NCOA7: variants seen among roughly 807,000 people sequenced by gnomAD.
The protein encoded by NCOA7 is nuclear receptor coactivator 7.
Under a neutral mutation model 104.3 loss-of-function variants are expected in NCOA7, and 45 were observed. The observed-to-expected ratio is 0.43, with a 90% CI of 0.34 to 0.55. The LOEUF is 0.55. Among genes scored for constraint, NCOA7 ranks in the 20% least tolerant of loss-of-function variants. The pLI is 0.02. For synonymous variants in NCOA7, 398 were observed against 402.3 expected (o/e 0.99, Z 0.13); for missense variants, 1,041 against 1,119.7 (o/e 0.93, Z 1.00).
At chr6:125,800,128 A>G (rs967186397) in intron 1 of NCOA7, among the ~76,000 whole-genome samples, 2 of 152,260 alleles carry the variant, frequency 1.3e-5, no homozygotes, top group African/African-American at 4.8e-5. Context: ...CAAAGACAAC[A>G]CTATCAATTT....
intron 2 of NCOA7, among the ~76,000 whole-genome samples, chr6:125,821,844 G>C (rs1160856742): frequency 6.6e-6 from 1 of 151,856 alleles, no homozygotes; most frequent in Non-Finnish European, 1.5e-5. Flanking sequence ...AAATAATTCT[G>C]TACAAAAAGC....
At chr6:125,812,395 A>G (rs920442076) in intron 1 of NCOA7, among the ~76,000 whole-genome samples, 2 of 152,188 alleles carry the variant, frequency 1.3e-5, no homozygotes, top group African/African-American at 4.8e-5. Flanking sequence ...CCTACAGTTT[A>G]GTTATCTGCA....
At chr6:125,928,361 T>C (rs1001115486) in intron 15 of NCOA7, 114 bp downstream of exon 15, 4 of 937,638 alleles carry the variant, frequency 4.3e-6, no homozygotes, top group African/African-American at 1.7e-5. Flanking sequence ...AGCTAGTCCA[T>C]GTGCTTAGAT....
At chr6:125,860,704 CT>C (rs567884230) in intron 3 of NCOA7, among the ~76,000 whole-genome samples, 283 of 152,230 alleles carry the variant, frequency 1.9e-3, no homozygotes, top group Non-Finnish European at 1.6e-3. Context: ...TAGTGAACAT[CT>C]TTGCTTCTAA....
At chr6:125,928,010 T>G (rs1471054609) in intron 14 of NCOA7, among the ~76,000 whole-genome samples, 164 bp from the exon 15 acceptor site, 1 of 152,224 alleles carries the variant, frequency 6.6e-6, no homozygotes, top group Non-Finnish European at 1.5e-5. Context: ...TCGTAACCCC[T>G]TGGGAGATCT....
At chr6:125,782,373 G>A (rs989148389) in intron 1 of NCOA7, among the ~76,000 whole-genome samples, 15 of 152,216 alleles carry the variant, frequency 9.9e-5, no homozygotes, top group African/African-American at 3.1e-4. Context: ...ACTAAACACC[G>A]TATTATGCAT....
intron 13 of NCOA7, among the ~76,000 whole-genome samples, chr6:125,925,534 A>G (rs1787947713): frequency 6.6e-6 from 1 of 152,240 alleles, no homozygotes; most frequent in Non-Finnish European, 1.5e-5. Context: ...ATAGAGACTA[A>G]TTACTAACTT....
At chr6:125,806,967 A>G (rs1035012789) in intron 1 of NCOA7, among the ~76,000 whole-genome samples, 4 of 152,226 alleles carry the variant, frequency 2.6e-5, no homozygotes, top group African/African-American at 9.6e-5. Flanking sequence ...GATAAGGCTG[A>G]GAACTGCGTT....
At chr6:125,845,253 A>C (rs1339081098) in intron 2 of NCOA7, among the ~76,000 whole-genome samples, 3 of 152,194 alleles carry the variant, frequency 2.0e-5, no homozygotes, top group Non-Finnish European at 2.9e-5. Context: ...GGAGGGAGGC[A>C]GACCAGCTCT....
Position 125,921,057 on chromosome 6 carries a change from C to T in NCOA7, c.2359C>T (p.His787Tyr). ...CCACAGCGCGCTCCTGGAGAATATG[C>T]ACATCGAGCAGGTGGGCTCGCCCTG... ...RPHSALLENM[H>Y]IEQLARRLPA... Residue 787 changes from histidine to tyrosine, a missense_variant, in exon 12 of 16, where the codon CAC becomes TAC. Coordinates refer to ENST00000392477, the MANE Select transcript of NCOA7 (RefSeq NM_181782.5). 1 of 1,613,006 alleles carries T rather than the reference C, an allele frequency of 6.2e-7. No individual in the cohort carries two copies. The highest frequency in any genetic ancestry group is 8.5e-7 in the Non-Finnish European group (1 of 1,179,398).
intron 1 of NCOA7, among the ~76,000 whole-genome samples, chr6:125,783,453 T>C (rs1774316494): frequency 6.6e-6 from 1 of 152,222 alleles, no homozygotes; most frequent in Non-Finnish European, 1.5e-5. Context: ...TTATCATTCT[T>C]CTGAAAAGAA....
intron 11 of NCOA7, among the ~76,000 whole-genome samples, chr6:125,917,566 A>G (rs1370742526): frequency 6.6e-6 from 1 of 152,192 alleles, no homozygotes; most frequent in African/African-American, 2.4e-5. Context: ...TGTATCCTAT[A>G]AACCAAAAAC....
chr6:125,866,872 A>T (rs1371114932), intron 3 of NCOA7, among the ~76,000 whole-genome samples: 20 of 152,068 alleles, frequency 1.3e-4, no homozygotes, highest in Admixed American at 1.3e-3. Context: ...ATAATTTTGG[A>T]TAGTCTTATG....
chr6:125,894,327 G>A (rs917811821), intron 10 of NCOA7, among the ~76,000 whole-genome samples: 1 of 152,030 alleles, frequency 6.6e-6, no homozygotes, highest in East Asian at 1.9e-4. Context: ...ACCACTGGTC[G>A]CGTACTAGAC....
At chr6:125,789,538 C>G (rs1457934013), upstream of NCOA7, among the ~76,000 whole-genome samples, 2 of 152,174 alleles carry the variant, frequency 1.3e-5, no homozygotes, top group African/African-American at 2.4e-5. Context: ...ACTTTAGGAA[C>G]CTAATTTTCC....
intron 10 of NCOA7, among the ~76,000 whole-genome samples, chr6:125,902,792 G>T (rs1054350916): frequency 6.6e-6 from 1 of 152,174 alleles, no homozygotes; most frequent in African/African-American, 2.4e-5. Context: ...AACTGACCTT[G>T]TGTTCGTCCC....
chr6:125,854,440 G>A (rs1213338864), intron 2 of NCOA7, among the ~76,000 whole-genome samples: 1 of 152,140 alleles, frequency 6.6e-6, no homozygotes, highest in Non-Finnish European at 1.5e-5. Context: ...TGAAAATCAT[G>A]TATTGTCATT....
chr6:125,789,629 A>G (rs1774647450), upstream of NCOA7, among the ~76,000 whole-genome samples: 1 of 152,256 alleles, frequency 6.6e-6, no homozygotes, highest in African/African-American at 2.4e-5. Context: ...TCAAATCCCA[A>G]AGATATAAAC....
intron 3 of NCOA7, among the ~76,000 whole-genome samples, chr6:125,865,534 T>C (rs1782378239): frequency 7.3e-6 from 1 of 137,362 alleles, no homozygotes; most frequent in Admixed American, 6.9e-5. Flanking sequence ...GCTTATACTT[T>C]AGGTTTCTCT....
Sources: gnomAD v4.1 joint callset for allele counts (sites outside exome capture counted in the v4.1 genomes callset) on GRCh38, gnomAD v4.1.1 for gene constraint, MANE v1.5 for transcripts, NCBI Gene and HGNC (gene_info 2026-07-23, HGNC 2026-07-21) for gene names.